Variants in TNNC1 observed in about 807,000 individuals in gnomAD.
TNNC1 encodes the protein troponin C, slow skeletal and cardiac muscles.
A neutral mutation model predicts 19.6 loss-of-function variants in TNNC1; 10 were observed. That is an observed-to-expected ratio of 0.51 (90% CI 0.31 to 0.87). The LOEUF is 0.87. TNNC1 is among the 40% of genes least tolerant of loss of function. The probability of loss-of-function intolerance (pLI) is 0.04; values close to 1 mark genes in which losing one functional copy is unlikely to be tolerated. For synonymous variants in TNNC1, 85 were observed against 80.1 expected (o/e 1.06, Z -0.33); for missense variants, 115 against 219.8 (o/e 0.52, Z 3.02).
chr3:52,454,030 G>T lies in TNNC1; in HGVS notation c.-15C>A, dbSNP rs774355933. ...ATGTCATCCATGCTGGCGGCTCACA[G>T]GACAGCTTGCTGGGGTTGCCAGCCG... On this transcript the variant is annotated 5_prime_UTR_variant, in exon 1 of 6. In the 5' UTR this introduces an upstream ATG that the reference lacks. Coordinates refer to ENST00000232975, the MANE Select transcript of TNNC1 (RefSeq NM_003280.3). 6.4e-7 allele frequency: 1 copy of T among 1,572,392 alleles called. No individual in the cohort carries two copies. The highest frequency in any genetic ancestry group is 8.6e-7 in the Non-Finnish European group (1 of 1,157,518).
In TNNC1 at chr3:52,452,440, C is replaced by A; in HGVS notation, c.55+43G>T. On this transcript the variant is annotated intron_variant, in intron 2 of 5. Coordinates refer to ENST00000232975, the MANE Select transcript of TNNC1 (RefSeq NM_003280.3). This position sits in a 1 kb window ranked among gnomAD's most constrained non-coding sequence, Gnocchi z 5.2. ...TTCTGATAAGGGGTCCCCATGCCAG[C>A]CTGGACCCGCTGGTCTCCCACATGT... 1.2e-6 allele frequency: 2 copies of A among 1,609,600 alleles called. No homozygotes were observed. The highest frequency in any genetic ancestry group is 1.7e-6 in the Non-Finnish European group (2 of 1,177,888).
chr3:52,451,960 G>A lies in TNNC1; in HGVS notation c.203-102C>T, dbSNP rs1406010644. On this transcript the variant is annotated intron_variant, in intron 3 of 5. Transcript: ENST00000232975. This position sits in a 1 kb window ranked among gnomAD's most constrained non-coding sequence, Gnocchi z 4.8. ...TTCTCACCGCATCCTCACACCAAAC[G>A]CCAGGCTTGTGTAGCCCTTATGCCC... 19 of 1,536,512 alleles carry A rather than the reference G, an allele frequency of 1.2e-5. No homozygotes were observed. Among genetic ancestry groups the A allele is most frequent in the African/African-American group, 2.7e-5 (2 of 73,380 alleles).
At position 52,452,480 on chromosome 3, in the gene TNNC1, C is replaced by T; in HGVS notation, c.55+3G>A. On this transcript the variant is annotated splice_donor_region_variant and intron_variant, in intron 2 of 5. Transcript: ENST00000232975. The surrounding 1 kb of genome is among the most constrained non-coding windows in gnomAD (Gnocchi z 5.2). ...CTCCCACATGTGTGATAGGGATTCT[C>T]ACCATTTTTCTGCTCTTCTGTCAGC... 5 of 1,613,370 alleles carry T rather than the reference C, an allele frequency of 3.1e-6. No individual in the cohort carries two copies. The highest frequency in any genetic ancestry group is 2.2e-5 in the East Asian group (1 of 44,858).
At chr3:52,453,676 G>C (rs1325495426) in intron 1 of TNNC1, among the ~76,000 whole-genome samples, 2 of 152,190 alleles carry the variant, frequency 1.3e-5, no homozygotes, top group Non-Finnish European at 2.9e-5. Context: ...AAAGAGAAAG[G>C]CAAAAACGTC....
chr3:52,451,996 T>A lies in TNNC1; in HGVS notation c.202+110A>T. ...GTAGCCCTTATGCCCATTTTATAGA[T>A]GAGGCAACCAAGGCTCGGATAGGCT... On this transcript the variant is annotated intron_variant, in intron 3 of 5. Coordinates refer to ENST00000232975, the MANE Select transcript of TNNC1 (RefSeq NM_003280.3). The surrounding 1 kb of genome is among the most constrained non-coding windows in gnomAD (Gnocchi z 4.8). 6.3e-7 allele frequency: 1 copy of A among 1,577,166 alleles called. No homozygotes were observed. The highest frequency in any genetic ancestry group is 8.7e-7 in the Non-Finnish European group (1 of 1,149,546).
intron 1 of TNNC1, 57 bp downstream of exon 1, chr3:52,453,935 C>T: frequency 6.4e-7 from 1 of 1,558,028 alleles, no homozygotes; most frequent in Non-Finnish European, 8.7e-7. Flanking sequence ...GCACTCTCAG[C>T]TGAGTGAGCC....
chr3:52,452,527 G>A lies in TNNC1; in HGVS notation c.25-14C>T, dbSNP rs1706344303. ...CAGCTGCTCTACCTAGAAAGGAAAG[G>A]GAATCTCAAGGCTCAGACTCAGGTA... is the stretch of plus-strand genomic sequence containing the variant. On this transcript the variant is annotated splice_polypyrimidine_tract_variant and intron_variant, in intron 1 of 5. Coordinates refer to ENST00000232975, the MANE Select transcript of TNNC1 (RefSeq NM_003280.3). The surrounding 1 kb of genome is among the most constrained non-coding windows in gnomAD (Gnocchi z 5.2). 2 of 1,612,760 alleles carry A rather than the reference G, an allele frequency of 1.2e-6. No homozygotes were observed. Among genetic ancestry groups the A allele is most frequent in the Admixed American group, 1.7e-5 (1 of 59,768 alleles).
intron 1 of TNNC1, among the ~76,000 whole-genome samples, 188 bp downstream of exon 1, chr3:52,453,804 C>T (rs542785390): frequency 1.3e-5 from 2 of 152,200 alleles, no homozygotes; most frequent in African/African-American, 2.4e-5. Flanking sequence ...CCTTCAGACC[C>T]GGAACCCCCT....
chr3:52,452,665 A>G lies in TNNC1; in HGVS notation c.25-152T>C, dbSNP rs141880897. ...GTCTCAGTCCTCCCTCCCTGCCCCC[A>G]AAGCCCTGACGTGACCCAGCTGGCC... On this transcript the variant is annotated intron_variant, in intron 1 of 5. Coordinates refer to ENST00000232975, the MANE Select transcript of TNNC1 (RefSeq NM_003280.3). This position sits in a 1 kb window ranked among gnomAD's most constrained non-coding sequence, Gnocchi z 5.2. 4,710 of 868,798 alleles carry G rather than the reference A, an allele frequency of 5.4e-3. 43 individuals carry two copies. Among genetic ancestry groups the G allele is most frequent in the South Asian group, 0.02 (1,358 of 69,128 alleles). 53.8% of individuals were successfully genotyped at this position (868,798 alleles called of 1,614,324 possible).
Position 52,452,559 on chromosome 3 carries a change from C to T in TNNC1, c.25-46G>A. On this transcript the variant is annotated intron_variant, in intron 1 of 5. Transcript: ENST00000232975. This position sits in a 1 kb window ranked among gnomAD's most constrained non-coding sequence, Gnocchi z 5.2. ...CAAGGCTCAGACTCAGGTATAGCTGCTGCTGAGGAAACCAACCCATTCCAC... is the reference window on the plus strand; with the variant it reads ...CAAGGCTCAGACTCAGGTATAGCTGTTGCTGAGGAAACCAACCCATTCCAC... The T allele has an allele frequency of 1.2e-6, 2 of 1,604,822 alleles. No individual in the cohort carries two copies. The highest frequency in any genetic ancestry group is 1.7e-6 in the Non-Finnish European group (2 of 1,174,808).
intron 1 of TNNC1, among the ~76,000 whole-genome samples, chr3:52,453,046 G>A (rs527396655): frequency 1.3e-5 from 2 of 152,360 alleles, no homozygotes; most frequent in Admixed American, 6.5e-5. Context: ...CCCCAACTCC[G>A]CCAGGCCTTG....
rs1201786846 is a variant in TNNC1, at chr3:52,452,478, C to T, written c.55+5G>A. 1.2e-6 allele frequency: 2 copies of T among 1,613,342 alleles called. No homozygotes were observed. Among genetic ancestry groups the T allele is most frequent in the Non-Finnish European group, 1.7e-6 (2 of 1,179,722 alleles). On this transcript the variant is annotated splice_donor_5th_base_variant and intron_variant, in intron 2 of 5. Coordinates refer to ENST00000232975, the MANE Select transcript of TNNC1 (RefSeq NM_003280.3). This position sits in a 1 kb window ranked among gnomAD's most constrained non-coding sequence, Gnocchi z 5.2. ...GTCTCCCACATGTGTGATAGGGATT[C>T]TCACCATTTTTCTGCTCTTCTGTCA...
chr3:52,453,865 G>T, intron 1 of TNNC1, 127 bp downstream of exon 1: 2 of 1,134,298 alleles, frequency 1.8e-6, no homozygotes, highest in Non-Finnish European at 2.6e-6. Context: ...TGAGGGCCTG[G>T]GTTGAAGGCA....
rs1329804607 is a variant in TNNC1, at chr3:52,452,369, G to A, written c.55+114C>T. 3 of 1,587,172 alleles carry A rather than the reference G, an allele frequency of 1.9e-6. No individual in the cohort carries two copies. Among genetic ancestry groups the A allele is most frequent in the Non-Finnish European group, 2.6e-6 (3 of 1,166,160 alleles). On this transcript the variant is annotated intron_variant, in intron 2 of 5. Transcript: ENST00000232975. This position sits in a 1 kb window ranked among gnomAD's most constrained non-coding sequence, Gnocchi z 5.2. ...ACCTCCCTCGGAGACCTCTCTGAGG[G>A]CAGAGCAAGAGGGACCAAGCCTCTG...
chr3:52,451,646 AGGC>A lies in TNNC1; in HGVS notation c.317+95_317+97del. On this transcript the variant is annotated intron_variant, in intron 4 of 5. Transcript: ENST00000232975. This position sits in a 1 kb window ranked among gnomAD's most constrained non-coding sequence, Gnocchi z 4.8. ...GGCATCCCTCTCCCCTATCAGGCAG[AGGC>A]CACAGGGTCCCTAGGCCTGGAATCT... The A allele has an allele frequency of 1.9e-6, 3 of 1,575,494 alleles. No homozygotes were observed. The Admixed American group carries it at 5.0e-5, about 26-fold the overall frequency.
At position 52,451,902 on chromosome 3, in the gene TNNC1, C is replaced by T. The variant is rs1331666886; in HGVS notation, c.203-44G>A. The T allele has an allele frequency of 1.9e-6, 3 of 1,585,268 alleles. No individual in the cohort carries two copies. The highest frequency in any genetic ancestry group is 2.6e-6 in the Non-Finnish European group (3 of 1,154,358). On this transcript the variant is annotated intron_variant, in intron 3 of 5. Coordinates refer to ENST00000232975, the MANE Select transcript of TNNC1 (RefSeq NM_003280.3). This position sits in a 1 kb window ranked among gnomAD's most constrained non-coding sequence, Gnocchi z 4.8. The stretch of plus-strand genomic sequence containing the variant: ...GCCGTTACAGAGGCCAGGGTAGGTA[C>T]TGCAGGCAGCACCTTCGACACGAAC...
chr3:52,452,427 G>A lies in TNNC1; in HGVS notation c.55+56C>T. 2.5e-6 allele frequency: 4 copies of A among 1,604,288 alleles called. No individual in the cohort carries two copies. In the South Asian group the frequency reaches 3.3e-5, roughly 13 times the overall value. On this transcript the variant is annotated intron_variant, in intron 2 of 5. Transcript: ENST00000232975. The surrounding 1 kb of genome is among the most constrained non-coding windows in gnomAD (Gnocchi z 5.2). ...GCCTGGGGTCCTCTTCTGATAAGGG[G>A]TCCCCATGCCAGCCTGGACCCGCTG...
chr3:52,453,881 G>T, intron 1 of TNNC1, 111 bp downstream of exon 1: 4 of 1,318,212 alleles, frequency 3.0e-6, no homozygotes, highest in Non-Finnish European at 4.3e-6. Flanking sequence ...AGGCACGTAG[G>T]CCTTCTCCTT....
rs1436602953 is a variant in TNNC1, at chr3:52,451,344, G to A, written c.455-38C>T. 3.1e-6 allele frequency: 5 copies of A among 1,613,962 alleles called. No individual in the cohort carries two copies. The Admixed American group carries it at 5.0e-5, about 16-fold the overall frequency. On this transcript the variant is annotated intron_variant, in intron 5 of 5. Coordinates refer to ENST00000232975, the MANE Select transcript of TNNC1 (RefSeq NM_003280.3). The surrounding 1 kb of genome is among the most constrained non-coding windows in gnomAD (Gnocchi z 4.8). ...GGGCAGGTGTGGGTTGAGGGTAGGG[G>A]CTGGGCAGGGCATGGAGGCAGGAGA...
Sources: allele counts gnomAD v4.1 joint callset (sites outside exome capture counted in the v4.1 genomes callset), GRCh38; gene constraint gnomAD v4.1.1; non-coding constraint Gnocchi (gnomAD v3.1); transcripts MANE v1.5; gene names NCBI Gene and HGNC (gene_info 2026-07-23, HGNC 2026-07-21).